AKAP10: variants seen among roughly 807,000 people sequenced by gnomAD.
AKAP10 encodes A-kinase anchoring protein 10, also known as A-kinase anchor protein 10, mitochondrial.
A neutral mutation model predicts 80.8 loss-of-function variants in AKAP10; 24 were observed. That is an observed-to-expected ratio of 0.30 (90% confidence interval 0.22 to 0.42). The LOEUF is 0.42. Among genes scored for constraint, AKAP10 ranks in the 10% least tolerant of loss-of-function variants. AKAP10 has a pLI of 1.00. For synonymous variants in AKAP10, 291 were observed against 277.7 expected (o/e 1.05, Z -0.48); for missense variants, 661 against 794.9 (o/e 0.83, Z 2.03).
chr17:19,916,514 T>G (rs189553934), intron 12 of AKAP10, among the ~76,000 whole-genome samples: 1 of 152,108 alleles, frequency 6.6e-6, no homozygotes, highest in African/African-American at 2.4e-5. Context: ...TACACCTTAA[T>G]TCATATAAAA....
intron 4 of AKAP10, among the ~76,000 whole-genome samples, chr17:19,953,963 C>G (rs1281528799): frequency 6.6e-6 from 1 of 151,984 alleles, no homozygotes; most frequent in African/African-American, 2.4e-5. Flanking sequence ...ACCTGGGAGG[C>G]AGAGGTTGCA....
chr17:19,940,277 A>G (rs1185069471), intron 7 of AKAP10, among the ~76,000 whole-genome samples: 1 of 152,230 alleles, frequency 6.6e-6, no homozygotes, highest in Non-Finnish European at 1.5e-5. Context: ...GAGAAAACAA[A>G]TCAACTGAGT....
rs1418870013 is a variant in AKAP10 at position 19,904,368 on chromosome 17, G to A, written c.*1859C>T. On this transcript the variant is annotated 3_prime_UTR_variant, in exon 15 of 15. Coordinates refer to ENST00000225737, the MANE Select transcript of AKAP10 (RefSeq NM_007202.4). Reference sequence around the variant, plus strand: ...CATCTCTAGCTCAGAAGCACAAAATGTATATACAAAGAAATGATTAGAATT... The same window carrying A: ...CATCTCTAGCTCAGAAGCACAAAATATATATACAAAGAAATGATTAGAATT... 4 of 152,152 alleles carry A rather than the reference G, an allele frequency of 2.6e-5. No homozygotes were observed. The highest frequency in any genetic ancestry group is 4.4e-5 in the Non-Finnish European group (3 of 68,030). The allele number at this position is 152,152 out of a possible 1,614,324, so 9.4% of individuals were successfully genotyped here. A position where few individuals can be genotyped will look rare whatever the true frequency, so the allele number is the denominator to read the frequency against.
chr17:19,945,721 C>T lies in AKAP10; in HGVS notation c.976+1686G>A, dbSNP rs76737687. Among the ~76,000 whole-genome samples, 404 of 152,184 alleles carry T rather than the reference C, an allele frequency of 2.7e-3. 15 individuals are homozygous for T. The East Asian group carries it at 0.074, about 28-fold the overall frequency. ...TGAGACTAACAGGGGTCTTGCTGTC[C>T]CCAGCAGTGAGTGAGTGCAAAGCAC... On this transcript the variant is annotated intron_variant, in intron 5 of 14. Coordinates refer to ENST00000225737, the MANE Select transcript of AKAP10 (RefSeq NM_007202.4).
At chr17:19,970,894 C>G (rs147721878) in intron 1 of AKAP10, among the ~76,000 whole-genome samples, 17 of 152,006 alleles carry the variant, frequency 1.1e-4, no homozygotes, top group African/African-American at 3.9e-4. Context: ...TGACCACATA[C>G]AAATACTTTT....
chr17:19,914,148 T>TG (rs1016308519), intron 12 of AKAP10, among the ~76,000 whole-genome samples: 29 of 152,112 alleles, frequency 1.9e-4, no homozygotes, highest in African/African-American at 6.5e-4. Flanking sequence ...CACAGGCATG[T>TG]GCCACCATGC....
chr17:19,909,904 T>G (rs1393370311), intron 13 of AKAP10, 22 bp downstream of exon 13: 4 of 1,610,690 alleles, frequency 2.5e-6, no homozygotes, highest in Non-Finnish European at 3.4e-6. Context: ...AGAAATCTTT[T>G]TATCCTAAAG....
At chr17:19,964,817 C>G (rs1005874942) in intron 2 of AKAP10, among the ~76,000 whole-genome samples, 1 of 152,276 alleles carries the variant, frequency 6.6e-6, no homozygotes, top group Non-Finnish European at 1.5e-5. Flanking sequence ...CACTCGAACC[C>G]GAGAGGCAGA....
intron 8 of AKAP10, 106 bp from the exon 9 acceptor site, chr17:19,936,536 G>T: frequency 1.8e-6 from 2 of 1,118,628 alleles, no homozygotes; most frequent in Non-Finnish European, 2.5e-6. Context: ...GATTGAGCCT[G>T]CAGGCCTAGA....
At chr17:19,968,363 T>A (rs956434458) in intron 2 of AKAP10, 51 bp downstream of exon 2, 2 of 1,465,008 alleles carry the variant, frequency 1.4e-6, no homozygotes, top group Non-Finnish European at 9.5e-7. Flanking sequence ...AACTCACAAA[T>A]GCAAAGCACA....
In AKAP10 at chr17:19,958,011, C is replaced by T; in HGVS notation, c.877+3G>A. 6.2e-7 allele frequency: 1 copy of T among 1,604,904 alleles called. No individual in the cohort carries two copies. Among genetic ancestry groups the T allele is most frequent in the Non-Finnish European group, 8.5e-7 (1 of 1,174,922 alleles). Reference sequence around the variant, plus strand: ...TGTACACACAAGAAAATCACATACTCACTTTTCATTAGTTTTCCTGACAAT... The same window carrying T: ...TGTACACACAAGAAAATCACATACTTACTTTTCATTAGTTTTCCTGACAAT... On this transcript the variant is annotated splice_donor_region_variant and intron_variant, in intron 4 of 14. Coordinates refer to ENST00000225737, the MANE Select transcript of AKAP10 (RefSeq NM_007202.4).
chr17:19,909,185 G>T lies in AKAP10; in HGVS notation c.1979C>A (p.Thr660Lys). Residue 660 changes from threonine (T) to lysine (K), a missense_variant, in exon 14 of 15, where the codon ACA (threonine) becomes AAA (lysine). By Grantham distance (78) the Thr-to-Lys change is moderately conservative. Coordinates refer to ENST00000225737, the MANE Select transcript of AKAP10 (RefSeq NM_007202.4). ...ACAAAACGAAGTCATCCTTACCTTT[G>T]TAGATTTCTCTAACGGTTGATCATA... ...AQYDQPLEKS[T>K]KL 2.5e-6 allele frequency: 4 copies of T among 1,607,116 alleles called. No individual in the cohort carries two copies. The highest frequency in any genetic ancestry group is 3.4e-6 in the Non-Finnish European group (4 of 1,177,616).
chr17:19,930,504 T>A (rs2042920461), intron 10 of AKAP10, among the ~76,000 whole-genome samples: 1 of 151,704 alleles, frequency 6.6e-6, no homozygotes, highest in Non-Finnish European at 1.5e-5. Flanking sequence ...AACACAACAT[T>A]ATAGGTAGTG....
intron 9 of AKAP10, among the ~76,000 whole-genome samples, chr17:19,933,933 A>AT (rs1473076824): frequency 6.6e-6 from 1 of 151,942 alleles, no homozygotes; most frequent in African/African-American, 2.4e-5. Flanking sequence ...TTATAATTAT[A>AT]TTTTTGAGAC....
At chr17:19,910,324 T>TAAAAAAAAAAA (rs2042675834) in intron 12 of AKAP10, among the ~76,000 whole-genome samples, 1 of 53,656 alleles carries the variant, frequency 1.9e-5, no homozygotes, top group African/African-American at 1.2e-4. Flanking sequence ...AGACTCCAAC[T>TAAAAAAAAAAA]CAAAAAAAAA....
At chr17:19,943,108 T>A (rs1187927203) in intron 5 of AKAP10, among the ~76,000 whole-genome samples, 2 of 152,138 alleles carry the variant, frequency 1.3e-5, no homozygotes, top group African/African-American at 2.4e-5. Flanking sequence ...AGGCTGGTTT[T>A]GATCTCATGG....
chr17:19,957,684 G>A (rs1304726982), intron 4 of AKAP10, among the ~76,000 whole-genome samples: 2 of 152,138 alleles, frequency 1.3e-5, no homozygotes, highest in South Asian at 2.1e-4. Flanking sequence ...GCAAAGTGCA[G>A]TAAAATATTA....
intron 12 of AKAP10, among the ~76,000 whole-genome samples, chr17:19,915,193 C>T (rs2042731603): frequency 6.6e-6 from 1 of 152,168 alleles, no homozygotes; most frequent in South Asian, 2.1e-4. Context: ...TTCAAAAACA[C>T]CATATACAAC....
chr17:19,961,439 A>C (rs947427431), intron 3 of AKAP10, among the ~76,000 whole-genome samples: 12 of 152,016 alleles, frequency 7.9e-5, no homozygotes, highest in African/African-American at 2.9e-4. Context: ...TTTATGAGTG[A>C]TCTAGCAAAA....
Sources: allele counts gnomAD v4.1 joint callset (sites outside exome capture counted in the v4.1 genomes callset), GRCh38; gene constraint gnomAD v4.1.1; transcripts MANE v1.5; gene names NCBI Gene and HGNC (gene_info 2026-07-23, HGNC 2026-07-21).